The following ZNF407 variants were observed in gnomAD, a reference collection of about 807,000 sequenced individuals.
ZNF407 encodes zinc finger protein 407.
A neutral mutation model predicts 131.2 loss-of-function variants in ZNF407; 17 were observed. The ratio of observed to expected loss-of-function variants is 0.13; its 90% CI spans 0.09 to 0.19. ZNF407 has a LOEUF of 0.19. ZNF407 is among the 10% of genes least tolerant of loss of function. The pLI is 1.00. For synonymous variants in ZNF407, 1,156 were observed against 1,062.0 expected (o/e 1.09, Z -1.72); for missense variants, 2,681 against 2,830.6 (o/e 0.95, Z 1.20).
intron 8 of ZNF407, among the ~76,000 whole-genome samples, chr18:74,927,137 T>C (rs369845975): frequency 6.6e-6 from 1 of 152,234 alleles, no homozygotes; most frequent in South Asian, 2.1e-4. Context: ...CTCTACACCA[T>C]TGAATCTTCA....
At chr18:74,771,195 A>C (rs1969352902) in intron 3 of ZNF407, among the ~76,000 whole-genome samples, 1 of 152,170 alleles carries the variant, frequency 6.6e-6, no homozygotes, top group Non-Finnish European at 1.5e-5. Context: ...TGAGAAATAA[A>C]GATAATTATT....
intron 8 of ZNF407, among the ~76,000 whole-genome samples, chr18:74,948,883 GAAGA>G (rs1183036182): frequency 6.6e-6 from 1 of 152,140 alleles, no homozygotes; most frequent in Admixed American, 6.5e-5. Context: ...CAGAAATAAA[GAAGA>G]AATACTAGAA....
chr18:74,617,023 T>C (rs1230133696), intron 1 of ZNF407, among the ~76,000 whole-genome samples: 73 of 1,716 alleles, frequency 0.043, 1 homozygote, highest in Admixed American at 0.079. Flanking sequence ...ACACCACACA[T>C]ATCCATATCC....
At chr18:74,891,831 A>T (rs926516278) in intron 7 of ZNF407, among the ~76,000 whole-genome samples, 26 of 152,184 alleles carry the variant, frequency 1.7e-4, no homozygotes, top group Admixed American at 1.4e-3. Flanking sequence ...TCTTAGGATT[A>T]TACCCATTCA....
At chr18:75,020,221 GTGTA>G (rs1242005051) in intron 8 of ZNF407, among the ~76,000 whole-genome samples, 1 of 152,034 alleles carries the variant, frequency 6.6e-6, no homozygotes, top group Non-Finnish European at 1.5e-5. Flanking sequence ...TCATAGGTAT[GTGTA>G]TGTAGGAAAA....
rs565191332 is a variant in ZNF407, at chr18:74,632,487, T to A, written c.1468T>A (p.Cys490Ser). Residue 490 changes from cysteine (C) to serine (S), a missense_variant, in exon 2 of 9, where the codon TGT becomes AGT. Around this residue, in one of 6 missense-constraint regions of ZNF407, gnomAD observed 1,789 missense variants for 1,748.7 expected, o/e 1.02. Coordinates refer to ENST00000299687, the MANE Select transcript of ZNF407 (RefSeq NM_017757.3). ...LEACSSVQRV[C>S]VTTSETQEAE... ...AGCGTGCAGCAGTGTGCAGAGAGTG[T>A]GTGTGACTACCTCAGAAACCCAGGA... 3.5e-5 allele frequency: 56 copies of A among 1,613,994 alleles called. No individual in the cohort carries two copies. In the South Asian group the frequency reaches 6.0e-4, roughly 17 times the overall value.
intron 4 of ZNF407, among the ~76,000 whole-genome samples, chr18:74,864,023 CTT>C (rs1970975513): frequency 6.6e-6 from 1 of 152,118 alleles, no homozygotes; most frequent in Non-Finnish European, 1.5e-5. Flanking sequence ...AGTCAGGTCT[CTT>C]TATTCCTGAG....
intron 6 of ZNF407, among the ~76,000 whole-genome samples, chr18:74,887,424 C>G (rs1033975008): frequency 1.3e-5 from 2 of 151,854 alleles, no homozygotes; most frequent in Non-Finnish European, 2.9e-5. Flanking sequence ...CCTTTCAATT[C>G]AGATTTTTAC....
At chr18:75,058,594 C>T (rs1973589008) in intron 8 of ZNF407, among the ~76,000 whole-genome samples, 1 of 152,174 alleles carries the variant, frequency 6.6e-6, no homozygotes, top group South Asian at 2.1e-4. Context: ...ATTGAGCATC[C>T]ATGCCCCATT....
At chr18:74,701,492 A>C (rs962861755) in intron 3 of ZNF407, among the ~76,000 whole-genome samples, 4 of 152,316 alleles carry the variant, frequency 2.6e-5, no homozygotes, top group Non-Finnish European at 5.9e-5. Flanking sequence ...TATACCATAG[A>C]CAGACAGGCA....
intron 3 of ZNF407, among the ~76,000 whole-genome samples, chr18:74,682,682 G>A (rs944863265): frequency 1.3e-5 from 2 of 152,140 alleles, no homozygotes; most frequent in African/African-American, 4.8e-5. Context: ...TGTAACATAA[G>A]AACATATTAC....
intron 3 of ZNF407, among the ~76,000 whole-genome samples, chr18:74,777,676 C>G (rs1969501148): frequency 6.6e-6 from 1 of 152,154 alleles, no homozygotes. Flanking sequence ...TAGCCTTTGT[C>G]CAGGTCACTA....
At chr18:75,056,557 C>G (rs1013509567) in intron 8 of ZNF407, among the ~76,000 whole-genome samples, 2 of 152,196 alleles carry the variant, frequency 1.3e-5, no homozygotes, top group Non-Finnish European at 2.9e-5. Context: ...TTGTTTAGTA[C>G]AAGAAGTAGC....
At chr18:74,858,921 T>C (rs1245313372) in intron 4 of ZNF407, among the ~76,000 whole-genome samples, 1 of 151,830 alleles carries the variant, frequency 6.6e-6, no homozygotes, top group African/African-American at 2.4e-5. Flanking sequence ...TTTTTTTTTG[T>C]CTTTTTTAAA....
intron 1 of ZNF407, among the ~76,000 whole-genome samples, chr18:74,608,536 G>A (rs572429401): frequency 7.9e-5 from 12 of 152,122 alleles, no homozygotes; most frequent in East Asian, 5.8e-4. Flanking sequence ...TGGTAGATAC[G>A]TGGTTTCTCC....
At chr18:74,817,801 C>T (rs956274704) in intron 4 of ZNF407, among the ~76,000 whole-genome samples, 1 of 152,112 alleles carries the variant, frequency 6.6e-6, no homozygotes, top group African/African-American at 2.4e-5. Flanking sequence ...ATTAAATCCT[C>T]CAGAGAAGCC....
chr18:74,825,021 G>C (rs1970390636), intron 4 of ZNF407, among the ~76,000 whole-genome samples: 1 of 152,188 alleles, frequency 6.6e-6, no homozygotes, highest in Non-Finnish European at 1.5e-5. Flanking sequence ...CTACGATCAA[G>C]TCGCCTTCAT....
chr18:74,921,321 G>A (rs748876982), intron 8 of ZNF407, among the ~76,000 whole-genome samples: 26 of 152,198 alleles, frequency 1.7e-4, no homozygotes, highest in Non-Finnish European at 3.5e-4. Context: ...AAGCAGATCC[G>A]TTCCTCCAGC....
intron 4 of ZNF407, among the ~76,000 whole-genome samples, chr18:74,830,611 TGTACATAGGGCA>T (rs1970469060): frequency 6.6e-6 from 1 of 152,226 alleles, no homozygotes; most frequent in Admixed American, 6.5e-5. Context: ...GAATAATGTT[TGTACATAGGGCA>T]CATAGTGATG....
Sources: gnomAD v4.1 joint callset for allele counts (sites outside exome capture counted in the v4.1 genomes callset) on GRCh38, gnomAD v4.1.1 for gene constraint, gnomAD v4.1.1 regional missense constraint, MANE v1.5 for transcripts, NCBI Gene and HGNC (gene_info 2026-07-23, HGNC 2026-07-21) for gene names.